The following FGF12 variants were observed in gnomAD, a reference collection of about 807,000 sequenced individuals.
FGF12 encodes fibroblast growth factor 12, also known as fibroblast growth factor 12B.
A neutral mutation model predicts 23.6 loss-of-function variants in FGF12; 14 were observed. The ratio of observed to expected loss-of-function variants is 0.59; its 90% CI spans 0.39 to 0.93. FGF12 has a LOEUF of 0.93. Ranked by LOEUF, FGF12 falls within the 40% of genes least tolerant of loss-of-function variation. The probability of loss-of-function intolerance (pLI) is 0.00; values close to 1 mark genes in which losing one functional copy is unlikely to be tolerated. For synonymous variants in FGF12, 62 were observed against 77.3 expected (o/e 0.80, Z 1.04); for missense variants, 175 against 217.8 (o/e 0.80, Z 1.24).
At chr3:192,495,659 C>G (rs1227343766) in intron 2 of FGF12, among the ~76,000 whole-genome samples, 1 of 152,074 alleles carries the variant, frequency 6.6e-6, no homozygotes, top group Non-Finnish European at 1.5e-5. Flanking sequence ...CCTTTGTATT[C>G]CAAATCCAAT....
At chr3:192,301,236 C>T (rs1406304983) in intron 4 of FGF12, among the ~76,000 whole-genome samples, 1 of 152,112 alleles carries the variant, frequency 6.6e-6, no homozygotes, top group Non-Finnish European at 1.5e-5. Context: ...ATAAACGAAT[C>T]ACCGGGCATG....
chr3:192,415,254 T>C (rs1312490947), intron 2 of FGF12, among the ~76,000 whole-genome samples: 3 of 152,110 alleles, frequency 2.0e-5, no homozygotes. Flanking sequence ...TAAGTCCCAC[T>C]GTCACTAACC....
At chr3:192,710,290 T>G (rs1718622655) in intron 2 of FGF12, among the ~76,000 whole-genome samples, 2 of 152,360 alleles carry the variant, frequency 1.3e-5, no homozygotes, top group Admixed American at 6.5e-5. Flanking sequence ...TTTAGTATTT[T>G]GTATTTTATC....
intron 4 of FGF12, among the ~76,000 whole-genome samples, chr3:192,183,588 T>C (rs1426107894): frequency 6.6e-6 from 1 of 152,208 alleles, no homozygotes; most frequent in African/African-American, 2.4e-5. Context: ...CATTTACCTG[T>C]ATCATGTTTT....
chr3:192,249,872 G>C lies in FGF12; in HGVS notation c.229-79216C>G, dbSNP rs545434123. ...TGACACTGACCAAAGGCAATTTGGG[G>C]CTCCTTTCAAGCAGTTTGCATCAAA... is the stretch of plus-strand genomic sequence containing the variant. On this transcript the variant is annotated intron_variant, in intron 4 of 5. Transcript: ENST00000445105. Among the ~76,000 whole-genome samples the C allele has an allele frequency of 6.6e-5, 10 of 152,226 alleles. No homozygotes were observed. In the South Asian group the frequency reaches 1.9e-3, roughly 28 times the overall value.
intron 4 of FGF12, among the ~76,000 whole-genome samples, chr3:192,326,002 G>C (rs1281405138): frequency 6.6e-6 from 1 of 152,134 alleles, no homozygotes; most frequent in Non-Finnish European, 1.5e-5. Flanking sequence ...AAAGCCCATT[G>C]AGTCCAGACA....
At chr3:192,300,387 C>T (rs564626791) in intron 4 of FGF12, among the ~76,000 whole-genome samples, 37 of 152,220 alleles carry the variant, frequency 2.4e-4, no homozygotes, top group African/African-American at 8.2e-4. Flanking sequence ...ATGGGGCTGT[C>T]CAGATGGGAC....
At chr3:192,506,798 A>G (rs1016908268) in intron 2 of FGF12, among the ~76,000 whole-genome samples, 1 of 152,040 alleles carries the variant, frequency 6.6e-6, no homozygotes, top group Admixed American at 6.5e-5. Context: ...TATGATCTCC[A>G]TTTTAACAAT....
At chr3:192,310,252 T>G (rs948572373) in intron 4 of FGF12, among the ~76,000 whole-genome samples, 1 of 152,192 alleles carries the variant, frequency 6.6e-6, no homozygotes, top group Admixed American at 6.5e-5. Context: ...CAAACTAAAC[T>G]GAGAGTGGAA....
chr3:192,621,863 TG>T (rs1379887533), intron 2 of FGF12, among the ~76,000 whole-genome samples: 1 of 152,036 alleles, frequency 6.6e-6, no homozygotes, highest in Non-Finnish European at 1.5e-5. Context: ...GCAAGTTCTT[TG>T]GGGGCAATAA....
rs186005692 is a variant in FGF12 at position 192,588,533 on chromosome 3, G to A, written c.13+138648C>T. On this transcript the variant is annotated intron_variant, in intron 2 of 5. Transcript: ENST00000445105. ...ATAAAATTAAAACAATAATAGTAAC[G>A]ATGTTAGGAACAAGAAAGAAGTTAT... Among the ~76,000 whole-genome samples the A allele has an allele frequency of 2.0e-5, 3 of 151,718 alleles. No individual in the cohort carries two copies. In the East Asian group the frequency reaches 5.8e-4, roughly 29 times the overall value.
intron 2 of FGF12, among the ~76,000 whole-genome samples, chr3:192,548,813 T>TA (rs899539496): frequency 2.0e-5 from 3 of 151,788 alleles, no homozygotes; most frequent in Admixed American, 2.0e-4. Flanking sequence ...CACACAGCAT[T>TA]AAAAAAAACC....
chr3:192,361,821 T>C (rs1197870210), intron 2 of FGF12, among the ~76,000 whole-genome samples: 1 of 152,190 alleles, frequency 6.6e-6, no homozygotes, highest in African/African-American at 2.4e-5. Flanking sequence ...TTTGGGAATA[T>C]GGGGCAATGC....
At chr3:192,343,734 T>A (rs1312003716) in intron 3 of FGF12, among the ~76,000 whole-genome samples, 1 of 152,176 alleles carries the variant, frequency 6.6e-6, no homozygotes, top group Non-Finnish European at 1.5e-5. Context: ...ATTCCATACA[T>A]AGCACTTATC....
chr3:192,604,977 G>T (rs952539419), intron 2 of FGF12, among the ~76,000 whole-genome samples: 1 of 152,194 alleles, frequency 6.6e-6, no homozygotes, highest in Admixed American at 6.5e-5. Context: ...TTAATACATG[G>T]TGCTAGGATA....
chr3:192,697,245 T>C (rs1241676436), intron 2 of FGF12, among the ~76,000 whole-genome samples: 1 of 152,290 alleles, frequency 6.6e-6, no homozygotes, highest in South Asian at 2.1e-4. Flanking sequence ...CTCTCTTAAA[T>C]GAAAGATGGT....
Position 192,268,757 on chromosome 3 carries a change from G to A in FGF12, c.228+66604C>T, listed in dbSNP as rs79463407. 2.8e-3 allele frequency: 1,190 copies of A among 421,450 alleles called. 14 individuals are homozygous for A. Among genetic ancestry groups the A allele is most frequent in the African/African-American group, 0.023 (1,108 of 48,806 alleles). The allele number at this position is 421,450 out of a possible 1,614,324, so 26.1% of individuals were successfully genotyped here. On this transcript the variant is annotated intron_variant, in intron 4 of 5. Coordinates refer to ENST00000445105, the MANE Select transcript of FGF12 (RefSeq NM_004113.6). ...TGTAAAACCTGCAGAACTGTGAGCC[G>A]ATCAAAACTATTGTCTTCATAAATT...
intron 2 of FGF12, among the ~76,000 whole-genome samples, chr3:192,629,622 T>C (rs752859045): frequency 6.6e-6 from 1 of 152,238 alleles, no homozygotes; most frequent in Non-Finnish European, 1.5e-5. Flanking sequence ...TTCAAGTGAC[T>C]GCTGGAAAGA....
intron 2 of FGF12, among the ~76,000 whole-genome samples, chr3:192,657,808 C>A (rs533899444): frequency 1.3e-5 from 2 of 152,138 alleles, no homozygotes; most frequent in African/African-American, 4.8e-5. Context: ...CATTTCCAAA[C>A]AATAATTTTA....
Sources: allele counts gnomAD v4.1 joint callset (sites outside exome capture counted in the v4.1 genomes callset), GRCh38; gene constraint gnomAD v4.1.1; transcripts MANE v1.5; gene names NCBI Gene and HGNC (gene_info 2026-07-23, HGNC 2026-07-21).